The following TGFBR2 variants were observed in gnomAD, a reference collection of about 807,000 sequenced individuals.
TGFBR2 encodes TGF-beta receptor type-2.
In TGFBR2, 18 loss-of-function variants were observed where a neutral mutation model predicts 49.0. The observed-to-expected ratio is 0.37, with a 90% CI of 0.25 to 0.54. TGFBR2 has a LOEUF of 0.54. TGFBR2 is among the 20% of genes least tolerant of loss of function. The pLI, the probability that TGFBR2 is intolerant of heterozygous loss-of-function variation, is 0.85. For synonymous variants in TGFBR2, 282 were observed against 275.9 expected (o/e 1.02, Z -0.22); for missense variants, 525 against 722.6 (o/e 0.73, Z 3.13).
chr3:30,662,816 A>AT (rs1699159436), intron 3 of TGFBR2, among the ~76,000 whole-genome samples: 1 of 152,198 alleles, frequency 6.6e-6, no homozygotes, highest in Non-Finnish European at 1.5e-5. Flanking sequence ...CCACTAAGAA[A>AT]TTTTTTGTAG....
chr3:30,607,799 AAT>A (rs1553624165), intron 1 of TGFBR2, among the ~76,000 whole-genome samples: 1,605 of 138,294 alleles, frequency 0.012, 38 homozygotes, highest in African/African-American at 0.038. Flanking sequence ...AAAATAAAAA[AAT>A]ATATATATAT....
intron 1 of TGFBR2, among the ~76,000 whole-genome samples, chr3:30,635,697 T>G (rs921809776): frequency 1.3e-5 from 2 of 152,202 alleles, no homozygotes; most frequent in African/African-American, 4.8e-5. Flanking sequence ...TGAATTCATT[T>G]GAGACACAAG....
At chr3:30,687,458 G>A (rs1046727490) in intron 5 of TGFBR2, among the ~76,000 whole-genome samples, 7 of 152,048 alleles carry the variant, frequency 4.6e-5, no homozygotes, top group African/African-American at 1.7e-4. Flanking sequence ...AACTCCCGGA[G>A]TCAAGATATC....
rs763371077 is a variant in TGFBR2, at chr3:30,691,596, A to G, written c.1701A>G (p.Lys567=). The change falls in exon 7 of 7, where the codon AAA becomes AAG. Residue 567 remains lysine, a synonymous_variant. Coordinates refer to ENST00000295754, the MANE Select transcript of TGFBR2 (RefSeq NM_003242.6). The part of the protein sequence containing the change: ...IPEDGSLNTT[K] ...AAGACGGCTCCCTAAACACTACCAA[A>G]TAGCTCTTCTGGGGCAGGCTGGGCC... 15 of 1,613,716 alleles carry G rather than the reference A, an allele frequency of 9.3e-6. No individual in the cohort carries two copies. Among genetic ancestry groups the G allele is most frequent in the Middle Eastern group, 3.3e-4 (2 of 6,084 alleles).
At chr3:30,634,214 T>G (rs1244618661) in intron 1 of TGFBR2, among the ~76,000 whole-genome samples, 3 of 152,220 alleles carry the variant, frequency 2.0e-5, no homozygotes, top group Admixed American at 6.5e-5. Context: ...ATGGTTCATT[T>G]CAGGGGCTGA....
At chr3:30,661,241 G>C (rs577816904) in intron 3 of TGFBR2, among the ~76,000 whole-genome samples, 19 of 152,038 alleles carry the variant, frequency 1.2e-4, no homozygotes, top group African/African-American at 4.3e-4. Context: ...CAATAACACA[G>C]AAAAGAAAAT....
chr3:30,671,495 C>A (rs531940734), intron 3 of TGFBR2, 143 bp from the exon 4 acceptor site: 2 of 831,902 alleles, frequency 2.4e-6, no homozygotes, highest in East Asian at 5.3e-5. Context: ...CACTTGCATC[C>A]CTGAAATAAA....
chr3:30,645,105 G>A (rs887811274), intron 2 of TGFBR2, among the ~76,000 whole-genome samples, 190 bp downstream of exon 2: 6 of 151,862 alleles, frequency 4.0e-5, no homozygotes, highest in Admixed American at 6.6e-5. Context: ...GTATGTGTAC[G>A]TTTATGTGGG....
At chr3:30,680,107 AGAGC>A (rs1403118941) in intron 5 of TGFBR2, among the ~76,000 whole-genome samples, 1 of 152,128 alleles carries the variant, frequency 6.6e-6, no homozygotes, top group Non-Finnish European at 1.5e-5. Flanking sequence ...CCTGGGCGAC[AGAGC>A]GAGACTCCAT....
At chr3:30,671,512 C>T in intron 3 of TGFBR2, 126 bp from the exon 4 acceptor site, 1 of 953,256 alleles carries the variant, frequency 1.0e-6, no homozygotes, top group Non-Finnish European at 1.6e-6. Flanking sequence ...TAAAAATTAA[C>T]AATATCGTAT....
intron 1 of TGFBR2, among the ~76,000 whole-genome samples, chr3:30,613,131 C>CTTTTTTT (rs5847644): frequency 7.7e-6 from 1 of 129,322 alleles, no homozygotes. Flanking sequence ...ACATGCAGCT[C>CTTTTTTT]TTTTTTTTTT....
At chr3:30,623,235 GC>G in intron 1 of TGFBR2, 1 of 1,611,238 alleles carries the variant, frequency 6.2e-7, no homozygotes, top group Non-Finnish European at 8.5e-7. Context: ...GAAATCATCT[GC>G]CCCAGCTGTA....
chr3:30,620,368 G>A (rs889880571), intron 1 of TGFBR2, among the ~76,000 whole-genome samples: 1 of 152,072 alleles, frequency 6.6e-6, no homozygotes, highest in Non-Finnish European at 1.5e-5. Context: ...TAGATCCAAG[G>A]CGGGGAGTGC....
chr3:30,607,799 A>AAAAAT (rs1367214755), intron 1 of TGFBR2, among the ~76,000 whole-genome samples: 110 of 138,310 alleles, frequency 8.0e-4, no homozygotes, highest in South Asian at 4.7e-3. Flanking sequence ...AAAATAAAAA[A>AAAAAT]ATATATATAT....
intron 2 of TGFBR2, among the ~76,000 whole-genome samples, chr3:30,649,817 A>G (rs939602987): frequency 3.9e-5 from 6 of 152,200 alleles, no homozygotes; most frequent in Admixed American, 2.0e-4. Flanking sequence ...CTTTGAAAAC[A>G]GTATAGCTAG....
chr3:30,622,623 T>C (rs1302369237), intron 1 of TGFBR2, among the ~76,000 whole-genome samples: 6 of 152,216 alleles, frequency 3.9e-5, no homozygotes, highest in Non-Finnish European at 5.9e-5. Flanking sequence ...GGCTCAGGCC[T>C]GTAATCCCAG....
Position 30,688,302 on chromosome 3 carries a change from A to G in TGFBR2, c.1397-82A>G, listed in dbSNP as rs949783879. 5.5e-5 allele frequency: 88 copies of G among 1,592,540 alleles called. No individual in the cohort carries two copies. The Middle Eastern group carries it at 1.5e-3, about 27-fold the overall frequency. On this transcript the variant is annotated intron_variant, in intron 5 of 6. Transcript: ENST00000295754. ...TGTTACTTAGTGCTTCATGCTCCCC[A>G]GCCAGGCATCTCACCATGCTCATTT...
At chr3:30,666,096 T>TA (rs1699237934) in intron 3 of TGFBR2, among the ~76,000 whole-genome samples, 2 of 152,154 alleles carry the variant, frequency 1.3e-5, no homozygotes, top group Admixed American at 1.3e-4. Context: ...TTAGAGAAAA[T>TA]AAAAAAAGAT....
intron 2 of TGFBR2, among the ~76,000 whole-genome samples, chr3:30,645,616 G>A (rs942137219): frequency 6.6e-6 from 1 of 151,300 alleles, no homozygotes; most frequent in Non-Finnish European, 1.5e-5. Flanking sequence ...CTTTCGAGTA[G>A]CTGGGATTAC....
Sources: gnomAD v4.1 joint callset for allele counts (sites outside exome capture counted in the v4.1 genomes callset) on GRCh38, gnomAD v4.1.1 for gene constraint, MANE v1.5 for transcripts, NCBI Gene and HGNC (gene_info 2026-07-23, HGNC 2026-07-21) for gene names.